Variants in FBXO46 observed in about 807,000 individuals in gnomAD.
FBXO46 encodes F-box protein 46.
A neutral mutation model predicts 30.7 loss-of-function variants in FBXO46; 13 were observed. The observed-to-expected ratio is 0.42, with a 90% CI of 0.28 to 0.67. The LOEUF (loss-of-function observed/expected upper bound fraction) is 0.67. FBXO46 is among the 30% of genes least tolerant of loss of function. The pLI is 0.21. For missense variants in FBXO46, 754 were observed against 871.5 expected, an observed-to-expected ratio of 0.87 and a Z score of 1.70; for synonymous variants, 467 against 385.8, an observed-to-expected ratio of 1.21 and a Z score of -2.47.
In FBXO46 at chr19:45,711,629, CG is replaced by C; in HGVS notation, c.*54del. Reference sequence around the variant, plus strand: ...CGGCCCAGTCCGGACCCTCGGCTCCCGGGGGGAGAGGGGAGGGGTGGGCGTG... The same window carrying C: ...CGGCCCAGTCCGGACCCTCGGCTCCCGGGGGAGAGGGGAGGGGTGGGCGTG... On this transcript the variant is annotated 3_prime_UTR_variant, in exon 2 of 2. Coordinates refer to ENST00000317683, the MANE Select transcript of FBXO46 (RefSeq NM_001080469.2). The C allele has an allele frequency of 5.0e-6, 7 of 1,388,594 alleles. No homozygotes were observed. Among genetic ancestry groups the C allele is most frequent in the East Asian group, 2.5e-5 (1 of 40,194 alleles). The allele number at this position is 1,388,594 out of a possible 1,614,324, so 86.0% of individuals were successfully genotyped here.
intron 1 of FBXO46, among the ~76,000 whole-genome samples, chr19:45,722,465 C>A (rs928901319): frequency 2.6e-5 from 4 of 152,174 alleles, no homozygotes; most frequent in African/African-American, 9.7e-5. Context: ...CCCAGCAGAG[C>A]ACCTGGTACC....
chr19:45,721,513 T>A (rs1968170061), intron 1 of FBXO46, among the ~76,000 whole-genome samples: 1 of 145,182 alleles, frequency 6.9e-6, no homozygotes. Flanking sequence ...TACATGGGAA[T>A]TGGTGGCAGG....
chr19:45,719,392 C>T (rs1276128356), intron 1 of FBXO46, among the ~76,000 whole-genome samples: 1 of 152,056 alleles, frequency 6.6e-6, no homozygotes, highest in Non-Finnish European at 1.5e-5. Context: ...ACCCATTATA[C>T]ACAAAAGTTC....
At position 45,712,799 on chromosome 19, in the gene FBXO46, G is replaced by A. The variant is rs770590156; in HGVS notation, c.697C>T (p.His233Tyr). 1 of 1,612,134 alleles carries A rather than the reference G, an allele frequency of 6.2e-7. No individual in the cohort carries two copies. Among genetic ancestry groups the A allele is most frequent in the Non-Finnish European group, 8.5e-7 (1 of 1,179,106 alleles). The change falls in exon 2 of 2, where the codon CAC becomes TAC. Residue 233 changes from histidine to tyrosine, a missense_variant. Transcript: ENST00000317683. This position sits in a 1 kb window ranked among gnomAD's most constrained non-coding sequence, Gnocchi z 8.8. ...GGGCTGTCCCTCTGCGCTTCAAAGT[G>A]GGCCACGGCCTCGGCTACACGGCTG... is the stretch of plus-strand genomic sequence containing the variant. ...DCSRVAEAVA[H>Y]FEAQRDSPPT...
chr19:45,711,539 C>T lies in FBXO46; in HGVS notation c.*145G>A. 1 of 737,908 alleles carries T rather than the reference C, an allele frequency of 1.4e-6. No individual in the cohort carries two copies. Among genetic ancestry groups the T allele is most frequent in the East Asian group, 2.7e-5 (1 of 37,360 alleles). The allele number at this position is 737,908 out of a possible 1,614,324, so 45.7% of individuals were successfully genotyped here. ...AAGCAGAGGGCTTTCCTGGGTCACC[C>T]CTGCTGAACCCCAGCTCAGTTCCGG... is the stretch of plus-strand genomic sequence containing the variant. On this transcript the variant is annotated 3_prime_UTR_variant, in exon 2 of 2. Transcript: ENST00000317683.
chr19:45,724,204 G>A (rs1968209505), intron 1 of FBXO46, among the ~76,000 whole-genome samples: 1 of 152,148 alleles, frequency 6.6e-6, no homozygotes, highest in Admixed American at 6.6e-5. Flanking sequence ...ACCCCAGGGT[G>A]GCCAGATGTG....
Position 45,712,300 on chromosome 19 carries a change from G to A in FBXO46, c.1196C>T (p.Pro399Leu). ...CTGGCCCGGAGGCGGCGGTTCCTCC[G>A]GGCTGACCGTCAGGCACACAGTCTC... ...KEETVCLTVS[P>L]EEPPPPGQLF... Residue 399 changes from proline to leucine, a missense_variant, in exon 2 of 2, where the codon CCG (proline) becomes CTG (leucine). Coordinates refer to ENST00000317683, the MANE Select transcript of FBXO46 (RefSeq NM_001080469.2). This position sits in a 1 kb window ranked among gnomAD's most constrained non-coding sequence, Gnocchi z 8.8. 3 of 1,602,128 alleles carry A rather than the reference G, an allele frequency of 1.9e-6. No homozygotes were observed. Among genetic ancestry groups the A allele is most frequent in the Non-Finnish European group, 2.5e-6 (3 of 1,179,618 alleles).
Position 45,712,600 on chromosome 19 carries a change from C to G in FBXO46, c.896G>C (p.Arg299Pro). 1 of 1,591,252 alleles carries G rather than the reference C, an allele frequency of 6.3e-7. No homozygotes were observed. The highest frequency in any genetic ancestry group is 1.7e-5 in the Admixed American group (1 of 57,158). Reference sequence around the variant, plus strand: ...GTCACATGTGATCTTGTCCTTGGCTCGGGCCCCAGGACCTGGGCTGCCAGG... The same window carrying G: ...GTCACATGTGATCTTGTCCTTGGCTGGGGCCCCAGGACCTGGGCTGCCAGG... ...AYPGSPGPGA[R>P]AKDKITCDLY... Residue 299 changes from arginine (R) to proline (P), a missense_variant, in exon 2 of 2, where the codon CGA becomes CCA. This residue lies in a region of FBXO46 where 454 missense variants were observed against 426.5 expected (regional missense o/e 1.06). Transcript: ENST00000317683. The surrounding 1 kb of genome is among the most constrained non-coding windows in gnomAD (Gnocchi z 8.8).
In FBXO46 at chr19:45,712,616, G is replaced by A. The variant is rs775400043; in HGVS notation, c.880C>T (p.Pro294Ser). Reference protein sequence around the residue: ...GRPGCAYPGSPGPGARAKDKI... With the variant: ...GRPGCAYPGSSGPGARAKDKI... The stretch of plus-strand genomic sequence containing the variant: ...TCCTTGGCTCGGGCCCCAGGACCTG[G>A]GCTGCCAGGGTAGGCACAACCAGGC... The change falls in exon 2 of 2, where the codon CCA becomes TCA. Residue 294 changes from proline to serine, a missense_variant. By Grantham distance (74) the Pro-to-Ser change is moderately conservative. Transcript: ENST00000317683. This position sits in a 1 kb window ranked among gnomAD's most constrained non-coding sequence, Gnocchi z 8.8. 16 of 1,597,134 alleles carry A rather than the reference G, an allele frequency of 1.0e-5. No individual in the cohort carries two copies. The highest frequency in any genetic ancestry group is 1.4e-5 in the Non-Finnish European group (16 of 1,171,326).
chr19:45,729,872 A>C (rs1268241983), intron 1 of FBXO46, among the ~76,000 whole-genome samples: 1 of 152,174 alleles, frequency 6.6e-6, no homozygotes, highest in Non-Finnish European at 1.5e-5. Context: ...CCAGCTTTTG[A>C]GAAAACGCCT....
upstream of FBXO46, among the ~76,000 whole-genome samples, chr19:45,732,147 A>C (rs188194978): frequency 1.5e-4 from 22 of 151,724 alleles, no homozygotes; most frequent in Admixed American, 4.6e-4. Flanking sequence ...GAAGAAGAAG[A>C]AGCTCCAGGA....
rs1968016099 is a variant in FBXO46, at chr19:45,712,861, C to T, written c.635G>A (p.Gly212Glu). Residue 212 changes from glycine to glutamate, a missense_variant, in exon 2 of 2, where the codon GGG becomes GAG. By Grantham distance (98) the Gly-to-Glu change is moderately conservative. This residue lies in a region of FBXO46 where 454 missense variants were observed against 426.5 expected (regional missense o/e 1.06). Transcript: ENST00000317683. This position sits in a 1 kb window ranked among gnomAD's most constrained non-coding sequence, Gnocchi z 8.8. ...VSAEQGGPAK[G>E]VGSERRSGGG... ...ACCGGACCGCCGTTCAGATCCCACC[C>T]CCTTGGCCGGTCCACCTTGCTCGGC... The T allele has an allele frequency of 6.2e-7, 1 of 1,613,498 alleles. No individual in the cohort carries two copies.
In FBXO46 at chr19:45,712,314, GCACA is replaced by G; in HGVS notation, c.1178_1181del (p.Val393AlafsTer2). On this transcript the variant is annotated frameshift_variant, in exon 2 of 2. Coordinates refer to ENST00000317683, the MANE Select transcript of FBXO46 (RefSeq NM_001080469.2). LOFTEE classifies it high-confidence loss of function. This position sits in a 1 kb window ranked among gnomAD's most constrained non-coding sequence, Gnocchi z 8.8. ...GCGGTTCCTCCGGGCTGACCGTCAGGCACACAGTCTCCTCCTTCACGTTCTTGGT... is the reference window on the plus strand; with the variant it reads ...GCGGTTCCTCCGGGCTGACCGTCAGGCAGTCTCCTCCTTCACGTTCTTGGT... 6.2e-7 allele frequency: 1 copy of G among 1,601,726 alleles called. No homozygotes were observed.
chr19:45,731,447 G>C (rs1279479173), upstream of FBXO46, among the ~76,000 whole-genome samples: 1 of 151,598 alleles, frequency 6.6e-6, no homozygotes, highest in Non-Finnish European at 1.5e-5. Flanking sequence ...CTCCTGAGTA[G>C]CTGGGATTAC....
In FBXO46 at chr19:45,711,042, C is replaced by A; in HGVS notation, c.*642G>T. ...CTTCAGCTTTTTTTTTGTCTGCCCC[C>A]CTCTTCCTCTACGCGGAAGAGGAGA... On this transcript the variant is annotated 3_prime_UTR_variant, in exon 2 of 2. Coordinates refer to ENST00000317683, the MANE Select transcript of FBXO46 (RefSeq NM_001080469.2). The A allele has an allele frequency of 4.0e-6, 1 of 252,040 alleles. No homozygotes were observed. Among genetic ancestry groups the A allele is most frequent in the Non-Finnish European group, 7.9e-6 (1 of 127,314 alleles). The allele number at this position is 252,040 out of a possible 1,614,324, so 15.6% of individuals were successfully genotyped here.
At position 45,713,501 on chromosome 19, in the gene FBXO46, G is replaced by A; in HGVS notation, c.-6C>T. On this transcript the variant is annotated 5_prime_UTR_variant, in exon 2 of 2. Transcript: ENST00000317683. This position sits in a 1 kb window ranked among gnomAD's most constrained non-coding sequence, Gnocchi z 4.7. Reference sequence around the variant, plus strand: ...AGGAGGCTCCCACGGTCCATGCTGGGGGATGATGGCAGACAGGCTGGGCTT... The same window carrying A: ...AGGAGGCTCCCACGGTCCATGCTGGAGGATGATGGCAGACAGGCTGGGCTT... The A allele has an allele frequency of 3.2e-6, 5 of 1,543,514 alleles. No individual in the cohort carries two copies.
upstream of FBXO46, among the ~76,000 whole-genome samples, chr19:45,732,588 C>CTTTTTT (rs750349502): frequency 2.1e-4 from 18 of 86,936 alleles, no homozygotes; most frequent in African/African-American, 3.9e-4. Context: ...CTTTTTTTTC[C>CTTTTTT]TTTTTTTTTT....
intron 1 of FBXO46, among the ~76,000 whole-genome samples, chr19:45,718,046 G>A (rs1600360851): frequency 6.6e-6 from 1 of 152,050 alleles, no homozygotes; most frequent in Non-Finnish European, 1.5e-5. Context: ...ACCTGAACCC[G>A]TCCCTATCCT....
intron 1 of FBXO46, among the ~76,000 whole-genome samples, chr19:45,719,836 A>G (rs1968146578): frequency 6.6e-6 from 1 of 152,224 alleles, no homozygotes; most frequent in African/African-American, 2.4e-5. Context: ...AGAAAATGAT[A>G]ATCACAACAG....
Sources: gnomAD v4.1 joint callset for allele counts (sites outside exome capture counted in the v4.1 genomes callset) on GRCh38, gnomAD v4.1.1 for gene constraint, gnomAD v4.1.1 regional missense constraint, Gnocchi (gnomAD v3.1) non-coding constraint, MANE v1.5 for transcripts, NCBI Gene and HGNC (gene_info 2026-07-23, HGNC 2026-07-21) for gene names.